ABCC5: variants seen among roughly 807,000 people sequenced by gnomAD.
ABCC5 encodes ATP binding cassette subfamily C member 5.
Under a neutral mutation model 160.9 loss-of-function variants are expected in ABCC5, and 61 were observed. The observed-to-expected ratio is 0.38, with a 90% CI of 0.31 to 0.47. The LOEUF (loss-of-function observed/expected upper bound fraction) is 0.47, where lower values mean the gene tolerates loss of function less well. Among genes scored for constraint, ABCC5 ranks in the 20% least tolerant of loss-of-function variants. The pLI is 0.99. For synonymous variants in ABCC5, 666 were observed against 700.6 expected (o/e 0.95, Z 0.78); for missense variants, 1,308 against 1,813.3 (o/e 0.72, Z 5.06).
At chr3:183,980,838 G>A (rs12185910) in intron 8 of ABCC5, among the ~76,000 whole-genome samples, 34,803 of 151,384 alleles carry the variant, frequency 0.23, 4,941 homozygotes, top group Middle Eastern at 0.33. Context: ...TCTGCCTCAC[G>A]AATAGCTGGG....
intron 26 of ABCC5, among the ~76,000 whole-genome samples, chr3:183,936,093 G>C (rs1170028108): frequency 3.3e-5 from 5 of 152,080 alleles, no homozygotes; most frequent in Non-Finnish European, 5.9e-5. Flanking sequence ...ATTAGGTTTA[G>C]ATGAGATCAT....
At chr3:183,991,382 G>A (rs976798167) in intron 2 of ABCC5, among the ~76,000 whole-genome samples, 13 of 152,086 alleles carry the variant, frequency 8.5e-5, no homozygotes, top group African/African-American at 2.9e-4. Flanking sequence ...AAAGTTAAGT[G>A]GTTTAGCACC....
chr3:183,987,770 T>C lies in ABCC5; in HGVS notation c.591A>G (p.Pro197=). The C allele has an allele frequency of 6.2e-7, 1 of 1,614,196 alleles. No individual in the cohort carries two copies. Among genetic ancestry groups the C allele is most frequent in the South Asian group, 1.1e-5 (1 of 91,084 alleles). ...MITQLAGFSG[P]AFMVKHLLEY... ...GTCGGAAAGGATGGTTAGAACTTAC[T>C]GGTCCACTGAAGCCAGCCAGCTGCG... The change falls in exon 5 of 30, where the codon CCA becomes CCG. Residue 197 remains proline, a splice_region_variant and synonymous_variant. Coordinates refer to ENST00000334444, the MANE Select transcript of ABCC5 (RefSeq NM_005688.4). This position sits in a 1 kb window ranked among gnomAD's most constrained non-coding sequence, Gnocchi z 4.2.
In ABCC5 at chr3:183,925,570, C is replaced by T; in HGVS notation, c.4197G>A (p.Val1399=). ...GACTCGGTACCTGTCCCTGGGCCAGCACCATAATCCTATCGGAGCCTAGAA... is the reference window on the plus strand; with the variant it reads ...GACTCGGTACCTGTCCCTGGGCCAGTACCATAATCCTATCGGAGCCTAGAA... ...HTVLGSDRIM[V]LAQGQVVEFD... Residue 1399 remains valine, a synonymous_variant, in exon 29 of 30, where the codon GTG becomes GTA. Transcript: ENST00000334444. 6.2e-7 allele frequency: 1 copy of T among 1,613,656 alleles called. No individual in the cohort carries two copies.
At chr3:183,943,983 TC>T (rs1161798417) in intron 24 of ABCC5, among the ~76,000 whole-genome samples, 2 of 152,222 alleles carry the variant, frequency 1.3e-5, no homozygotes, top group African/African-American at 4.8e-5. Flanking sequence ...AGAAAGTTAT[TC>T]ATTTGTAAGC....
intron 2 of ABCC5, among the ~76,000 whole-genome samples, chr3:183,993,236 G>A (rs1719938508): frequency 6.6e-6 from 1 of 152,144 alleles, no homozygotes; most frequent in Admixed American, 6.6e-5. Flanking sequence ...TGTAAGCCCA[G>A]CACTTTGGGA....
intron 29 of ABCC5, among the ~76,000 whole-genome samples, chr3:183,922,229 G>A (rs1325187156): frequency 6.6e-6 from 1 of 152,050 alleles, no homozygotes; most frequent in East Asian, 1.9e-4. Flanking sequence ...AAAATTAGCT[G>A]GGTGTGGTGG....
Position 183,988,769 on chromosome 3 carries a change from C to T in ABCC5, c.288-42G>A, listed in dbSNP as rs766513969. 1.1e-5 allele frequency: 17 copies of T among 1,597,830 alleles called. No homozygotes were observed. Among genetic ancestry groups the T allele is most frequent in the African/African-American group, 6.7e-5 (5 of 74,304 alleles). On this transcript the variant is annotated intron_variant, in intron 3 of 29. Transcript: ENST00000334444. This position sits in a 1 kb window ranked among gnomAD's most constrained non-coding sequence, Gnocchi z 4.4. ...GAAATCACAAAGCTATCAACACGCA[C>T]GGAGAGGGCAGCCCGTGTTTAATGG...
chr3:183,941,115 C>A (rs964864290), intron 25 of ABCC5, among the ~76,000 whole-genome samples: 2 of 152,230 alleles, frequency 1.3e-5, no homozygotes, highest in African/African-American at 4.8e-5. Flanking sequence ...CAGCCTGGGC[C>A]TCCCAGAGTG....
intron 10 of ABCC5, among the ~76,000 whole-genome samples, chr3:183,975,179 C>T (rs1212302770): frequency 6.6e-6 from 1 of 152,116 alleles, no homozygotes; most frequent in East Asian, 1.9e-4. Flanking sequence ...AAGATTGAGG[C>T]AAACTTCCTT....
intron 26 of ABCC5, among the ~76,000 whole-genome samples, chr3:183,931,081 T>G (rs182128633): frequency 6.6e-6 from 1 of 152,276 alleles, no homozygotes; most frequent in African/African-American, 2.4e-5. Context: ...AGTAAGAGAT[T>G]AACAATAATG....
Position 183,950,028 on chromosome 3 carries a change from G to A in ABCC5, c.3042C>T (p.Phe1014=), listed in dbSNP as rs1201439815. Residue 1014 remains phenylalanine (F), a synonymous_variant, in exon 21 of 30, where the codon TTC becomes TTT. Transcript: ENST00000334444. The stretch of plus-strand genomic sequence containing the variant: ...TGACAAGGGGCCCCACTGCCACAAG[G>A]AACCACGGGAAGACTCCTGCGATCA... ...VGMIAGVFPW[F]LVAVGPLVIL... 1.2e-6 allele frequency: 2 copies of A among 1,614,062 alleles called. No homozygotes were observed. Among genetic ancestry groups the A allele is most frequent in the Admixed American group, 1.7e-5 (1 of 60,004 alleles).
At position 183,957,471 on chromosome 3, in the gene ABCC5, T is replaced by C. The variant is rs1481859347; in HGVS notation, c.2482+2262A>G. Among the ~76,000 whole-genome samples the C allele has an allele frequency of 2.9e-5, 4 of 136,112 alleles. No individual in the cohort carries two copies. In the South Asian group the frequency reaches 9.6e-4, roughly 33 times the overall value. The allele number at this position is 136,112 out of a possible 152,430, so 89.3% of individuals were successfully genotyped here. A position where few individuals can be genotyped will look rare whatever the true frequency, so the allele number is the denominator to read the frequency against. The stretch of plus-strand genomic sequence containing the variant: ...TCTGTTACATGCGGATCCGTGTGTA[T>C]ATGACATCAGTTACATGCGGATCCG... On this transcript the variant is annotated intron_variant, in intron 17 of 29. Transcript: ENST00000334444.
rs370632571 is a variant in ABCC5, at chr3:183,987,748, G to A, written c.591+22C>T. The A allele has an allele frequency of 1.3e-4, 207 of 1,613,982 alleles. 2 individuals carry two copies. The highest frequency in any genetic ancestry group is 1.6e-4 in the Non-Finnish European group (192 of 1,180,026). ...CGTGGCCGGGCCCCTGGAGACTGTC[G>A]GAAAGGATGGTTAGAACTTACTGGT... On this transcript the variant is annotated intron_variant, in intron 5 of 29. Transcript: ENST00000334444. The surrounding 1 kb of genome is among the most constrained non-coding windows in gnomAD (Gnocchi z 4.2).
rs200133293 is a variant in ABCC5, at chr3:183,989,219, A to G, written c.287+7T>C. The stretch of plus-strand genomic sequence containing the variant: ...CTTCACTGTCATCACTCAGCACGGC[A>G]TCTTACTTGGAAGTAGTCCGGATGG... On this transcript the variant is annotated splice_region_variant and intron_variant, in intron 3 of 29. Coordinates refer to ENST00000334444, the MANE Select transcript of ABCC5 (RefSeq NM_005688.4). 1.6e-4 allele frequency: 258 copies of G among 1,605,384 alleles called. No individual in the cohort carries two copies. In the Admixed American group the frequency reaches 4.3e-3, roughly 27 times the overall value.
chr3:184,016,511 G>GAAGC (rs751260876), intron 1 of ABCC5, among the ~76,000 whole-genome samples: 116 of 152,290 alleles, frequency 7.6e-4, no homozygotes, highest in Non-Finnish European at 1.2e-3. Flanking sequence ...GCCCCAGTCT[G>GAAGC]AAGCAAGCAA....
In ABCC5 at chr3:183,988,239, C is replaced by T. The variant is rs187839131; in HGVS notation, c.444-322G>A. ...GGGCCCCCAACCCTTTCTGAAGGTT[C>T]CTGTGGTAAAATGTAAAGTTGTAAA... is the stretch of plus-strand genomic sequence containing the variant. On this transcript the variant is annotated intron_variant, in intron 4 of 29. Coordinates refer to ENST00000334444, the MANE Select transcript of ABCC5 (RefSeq NM_005688.4). The surrounding 1 kb of genome is among the most constrained non-coding windows in gnomAD (Gnocchi z 4.4). 6.6e-6 allele frequency among the ~76,000 whole-genome samples: 1 copy of T among 152,254 alleles called. No homozygotes were observed. Among genetic ancestry groups the T allele is most frequent in the African/African-American group, 2.4e-5 (1 of 41,536 alleles).
chr3:183,944,216 G>A (rs1030189841), intron 24 of ABCC5, among the ~76,000 whole-genome samples: 13 of 151,944 alleles, frequency 8.6e-5, no homozygotes, highest in Admixed American at 1.3e-4. Context: ...ACAACATGGC[G>A]AAACCTATCT....
intron 16 of ABCC5, 34 bp from the exon 17 acceptor site, chr3:183,959,869 T>A: frequency 6.8e-7 from 1 of 1,472,754 alleles, no homozygotes; most frequent in Middle Eastern, 2.0e-4. Context: ...TCTCCAGTCA[T>A]GTTAGCCATC....
Sources: allele counts gnomAD v4.1 joint callset (sites outside exome capture counted in the v4.1 genomes callset), GRCh38; gene constraint gnomAD v4.1.1; non-coding constraint Gnocchi (gnomAD v3.1); transcripts MANE v1.5; gene names NCBI Gene and HGNC (gene_info 2026-07-23, HGNC 2026-07-21).